The following BOD1L1 variants were observed in gnomAD, a reference collection of about 807,000 sequenced individuals.
BOD1L1 encodes the protein biorientation of chromosomes in cell division 1 like 1.
A neutral mutation model predicts 240.7 loss-of-function variants in BOD1L1; 86 were observed. The ratio of observed to expected loss-of-function variants is 0.36; its 90% CI spans 0.30 to 0.43. BOD1L1 has a LOEUF of 0.43. Ranked by LOEUF, BOD1L1 falls within the 20% of genes least tolerant of loss-of-function variation. The probability of loss-of-function intolerance (pLI) is 1.00; values close to 1 mark genes in which losing one functional copy is unlikely to be tolerated. For synonymous variants in BOD1L1, 1,268 were observed against 1,272.3 expected (o/e 1.00, Z 0.07); for missense variants, 3,554 against 3,643.5 (o/e 0.98, Z 0.63).
At chr4:13,622,371 G>A (rs1423525596) in intron 1 of BOD1L1, among the ~76,000 whole-genome samples, 1 of 152,104 alleles carries the variant, frequency 6.6e-6, no homozygotes, top group Admixed American at 6.5e-5. Flanking sequence ...GTAAAAAGTT[G>A]AGCAACTAGA....
At chr4:13,592,472 C>T (rs1041053280) in intron 12 of BOD1L1, 6 of 152,476 alleles carry the variant, frequency 3.9e-5, no homozygotes, top group African/African-American at 7.2e-5. Flanking sequence ...CTTCCTTTTA[C>T]GTAAGTAGAT....
intron 7 of BOD1L1, among the ~76,000 whole-genome samples, 192 bp from the exon 8 acceptor site, chr4:13,608,860 T>G (rs1369105868): frequency 6.6e-6 from 1 of 152,156 alleles, no homozygotes; most frequent in Non-Finnish European, 1.5e-5. Context: ...ATCACATAAG[T>G]GTGTGTATGT....
rs377246633 is a variant in BOD1L1, at chr4:13,603,078, A to C, written c.3822T>G (p.His1274Gln). Residue 1274 changes from histidine (H) to glutamine (Q), a missense_variant, in exon 10 of 26, where the codon CAT (histidine) becomes CAG (glutamine). This residue lies in a region of BOD1L1 where 3,393 missense variants were observed against 3,427.1 expected (regional missense o/e 0.99). Coordinates refer to ENST00000040738, the MANE Select transcript of BOD1L1 (RefSeq NM_148894.3). ...ATGGTGAGGAGTCTAAATTTGTGGA[A>C]TGTTCAAGAGTGGCATCTCCTTGAG... ...HVAQGDATLE[H>Q]STNLDSSPSL... The C allele has an allele frequency of 6.2e-7, 1 of 1,613,982 alleles. No homozygotes were observed. The highest frequency in any genetic ancestry group is 8.5e-7 in the Non-Finnish European group (1 of 1,179,850).
chr4:13,590,456 C>CTTT lies in BOD1L1; in HGVS notation c.8149-11_8149-10insAAA. The CTTT allele has an allele frequency of 7.1e-7, 1 of 1,400,704 alleles. No homozygotes were observed. Among genetic ancestry groups the CTTT allele is most frequent in the Non-Finnish European group, 9.8e-7 (1 of 1,015,658 alleles). The allele number at this position is 1,400,704 out of a possible 1,614,324, so 86.8% of individuals were successfully genotyped here. On this transcript the variant is annotated splice_polypyrimidine_tract_variant and intron_variant, in intron 13 of 25. Coordinates refer to ENST00000040738, the MANE Select transcript of BOD1L1 (RefSeq NM_148894.3). ...AGCCTGAATTTTCAACCTAAATATACAATATAAAAGATATTTATGGATAGT... is the reference window on the plus strand; with the variant it reads ...AGCCTGAATTTTCAACCTAAATATACTTTAATATAAAAGATATTTATGGATAGT...
In BOD1L1 at chr4:13,579,206, C is replaced by A. The variant is rs56244333; in HGVS notation, c.8749+722G>T. On this transcript the variant is annotated intron_variant, in intron 22 of 25. Coordinates refer to ENST00000040738, the MANE Select transcript of BOD1L1 (RefSeq NM_148894.3). ...TCAGAAAACATTCTGAATAACACAG[C>A]TTTAATTGGAGTCCTTAAAGGGGAC... Among the ~76,000 whole-genome samples, 882 of 152,280 alleles carry A rather than the reference C, an allele frequency of 5.8e-3. 7 individuals carry two copies. The highest frequency in any genetic ancestry group is 9.3e-3 in the Non-Finnish European group (633 of 68,026).
chr4:13,607,216 G>A, intron 8 of BOD1L1, 27 bp from the exon 9 acceptor site: 1 of 1,413,260 alleles, frequency 7.1e-7, no homozygotes, highest in Non-Finnish European at 9.4e-7. Flanking sequence ...CAAATATAAA[G>A]CATGAATCAA....
In BOD1L1 at chr4:13,607,121, C is replaced by T. The variant is rs1715771847; in HGVS notation, c.1811G>A (p.Ser604Asn). 1.3e-6 allele frequency: 2 copies of T among 1,557,020 alleles called. No individual in the cohort carries two copies. The highest frequency in any genetic ancestry group is 1.7e-6 in the Non-Finnish European group (2 of 1,149,410). Residue 604 changes from serine (S) to asparagine (N), a missense_variant, in exon 9 of 26, where the codon AGT becomes AAT. Transcript: ENST00000040738. ...TGAGGTTTTATTAAGGCATACCTCACTTGTTTTAAGGGTTTCTTTGGAATC... is the reference window on the plus strand; with the variant it reads ...TGAGGTTTTATTAAGGCATACCTCATTTGTTTTAAGGGTTTCTTTGGAATC... ...EEDSKETLKT[S>N]EHCEKEKISS...
rs145156294 is a variant in BOD1L1, at chr4:13,627,702, C to G, written c.-115G>C. Reference sequence around the variant, plus strand: ...CAACGGGATGTTGTTACGGAACCAGCGGATCCAGAGCAACCCCGGAAGTGA... The same window carrying G: ...CAACGGGATGTTGTTACGGAACCAGGGGATCCAGAGCAACCCCGGAAGTGA... On this transcript the variant is annotated 5_prime_UTR_variant, in exon 1 of 26. Coordinates refer to ENST00000040738, the MANE Select transcript of BOD1L1 (RefSeq NM_148894.3). 2.2e-3 allele frequency: 2,053 copies of G among 928,380 alleles called. 3 individuals are homozygous for G. The highest frequency in any genetic ancestry group is 2.5e-3 in the Non-Finnish European group (1,948 of 773,054). 57.5% of individuals were successfully genotyped at this position (928,380 alleles called of 1,614,324 possible). A position where few individuals can be genotyped will look rare whatever the true frequency, so the allele number is the denominator to read the frequency against.
rs368387463 is a variant in BOD1L1 at position 13,597,098 on chromosome 4, C to T, written c.8019+6G>A. On this transcript the variant is annotated splice_donor_region_variant and intron_variant, in intron 11 of 25. Transcript: ENST00000040738. ...CAGTTCAGCACAGCTGAATTATAAG[C>T]CATACCTCCATTTTCAAGTTGGCTT... 6.3e-7 allele frequency: 1 copy of T among 1,581,532 alleles called. No individual in the cohort carries two copies.
intron 14 of BOD1L1, 81 bp downstream of exon 14, chr4:13,590,305 C>G (rs567077676): frequency 4.9e-5 from 32 of 652,492 alleles, no homozygotes; most frequent in Middle Eastern, 4.3e-4. Context: ...AAATAATTAA[C>G]ACAAGGCCTG....
chr4:13,584,316 C>T (rs1487549560), intron 17 of BOD1L1, among the ~76,000 whole-genome samples: 2 of 152,006 alleles, frequency 1.3e-5, no homozygotes, highest in Non-Finnish European at 2.9e-5. Flanking sequence ...GCTGCACTGC[C>T]ATTTTCAGCT....
chr4:13,622,641 A>T (rs571225005), intron 1 of BOD1L1, among the ~76,000 whole-genome samples: 1 of 152,274 alleles, frequency 6.6e-6, no homozygotes, highest in East Asian at 1.9e-4. Flanking sequence ...TACTGACCTC[A>T]ATCTGTTCCA....
chr4:13,608,887 C>T (rs368224115), intron 7 of BOD1L1, among the ~76,000 whole-genome samples: 6 of 152,088 alleles, frequency 3.9e-5, no homozygotes, highest in African/African-American at 1.4e-4. Context: ...TCATATATTA[C>T]ATAGGATTAG....
At position 13,599,549 on chromosome 4, in the gene BOD1L1, C is replaced by T. The variant is rs752909060; in HGVS notation, c.7351G>A (p.Glu2451Lys). The T allele has an allele frequency of 6.2e-7, 1 of 1,614,034 alleles. No homozygotes were observed. The highest frequency in any genetic ancestry group is 8.5e-7 in the Non-Finnish European group (1 of 1,179,892). Residue 2451 changes from glutamate (E) to lysine (K), a missense_variant, in exon 10 of 26, where the codon GAG (glutamate) becomes AAG (lysine). Glu to Lys is a moderately conservative substitution (Grantham distance 56). Around this residue, in one of 2 missense-constraint regions of BOD1L1, gnomAD observed 3,393 missense variants for 3,427.1 expected, o/e 0.99. Coordinates refer to ENST00000040738, the MANE Select transcript of BOD1L1 (RefSeq NM_148894.3). The part of the protein sequence containing the change: ...IGPFAGRGQK[E>K]STLHLINAEE... ...GCATTTATGAGGTGTAAAGTGCTCT[C>T]TTTCTGTCCTCTTCCTGCAAATGGT...
Position 13,599,455 on chromosome 4 carries a change from C to T in BOD1L1, c.7445G>A (p.Gly2482Glu). ...EDKSPETGTA[G>E]GSSTASYSAG... ...TGAATAACTTGCTGTGCTACTGCCC[C>T]CTGCTGTCCCTGTCTCTGGGCTCTT... Residue 2482 changes from glycine (G) to glutamate (E), a missense_variant, in exon 10 of 26, where the codon GGG (glycine) becomes GAG (glutamate). Physicochemically the swap from Gly to Glu is moderately conservative, Grantham distance 98. Coordinates refer to ENST00000040738, the MANE Select transcript of BOD1L1 (RefSeq NM_148894.3). The T allele has an allele frequency of 6.2e-7, 1 of 1,614,002 alleles. No individual in the cohort carries two copies. Among genetic ancestry groups the T allele is most frequent in the South Asian group, 1.1e-5 (1 of 91,074 alleles).
At chr4:13,581,862 T>C in intron 19 of BOD1L1, among the ~76,000 whole-genome samples, 1 of 152,134 alleles carries the variant, frequency 6.6e-6, no homozygotes, top group East Asian at 1.9e-4. Flanking sequence ...CCTGCTGCTG[T>C]TCCTATTTCA....
At chr4:13,573,387 C>T (rs1012888369) in intron 25 of BOD1L1, among the ~76,000 whole-genome samples, 1 of 151,704 alleles carries the variant, frequency 6.6e-6, no homozygotes, top group African/African-American at 2.4e-5. Flanking sequence ...TTCATTAGAC[C>T]ACACTTGGTA....
Position 13,569,974 on chromosome 4 carries a change from G to T in BOD1L1, c.*37C>A, listed in dbSNP as rs200736085. On this transcript the variant is annotated 3_prime_UTR_variant, in exon 26 of 26. Transcript: ENST00000040738. The stretch of plus-strand genomic sequence containing the variant: ...AAGGCATGTCTCTTTCCTCTCCACC[G>T]TGTTCCTCCATAAGCCTAGGGCAGC... 1 of 1,443,694 alleles carries T rather than the reference G, an allele frequency of 6.9e-7. No homozygotes were observed. The highest frequency in any genetic ancestry group is 9.3e-7 in the Non-Finnish European group (1 of 1,079,418). 89.4% of individuals were successfully genotyped at this position (1,443,694 alleles called of 1,614,324 possible). A position where few individuals can be genotyped will look rare whatever the true frequency, so the allele number is the denominator to read the frequency against.
intron 6 of BOD1L1, 51 bp from the exon 7 acceptor site, chr4:13,609,457 C>T: frequency 1.7e-6 from 2 of 1,179,682 alleles, no homozygotes; most frequent in Non-Finnish European, 2.3e-6. Context: ...CAAAAACACA[C>T]TGAAAAATTG....
Sources: gnomAD v4.1 joint callset for allele counts (sites outside exome capture counted in the v4.1 genomes callset) on GRCh38, gnomAD v4.1.1 for gene constraint, gnomAD v4.1.1 regional missense constraint, MANE v1.5 for transcripts, NCBI Gene and HGNC (gene_info 2026-07-23, HGNC 2026-07-21) for gene names.